Variants in OR2L13 observed in about 807,000 individuals in gnomAD.
OR2L13 encodes the protein olfactory receptor family 2 subfamily L member 13, also known as olfactory receptor 2L13.
In OR2L13, 14 loss-of-function variants were observed where a neutral mutation model predicts 15.3. The observed-to-expected ratio is 0.91, with a 90% confidence interval of 0.60 to 1.43. The LOEUF (loss-of-function observed/expected upper bound fraction) is 1.43. Ranked by LOEUF, OR2L13 falls within the 40% of genes most tolerant of loss-of-function variation. The pLI is 0.00. For missense variants in OR2L13, 367 were observed against 387.9 expected (o/e 0.95, Z 0.45); for synonymous variants, 152 against 142.9 (o/e 1.06, Z -0.45).
chr1:248,022,238 G>A, the OR2L13 span: 1 of 1,614,152 alleles, frequency 6.2e-7, no homozygotes, highest in Non-Finnish European at 8.5e-7. Flanking sequence ...TTGGGTGTGG[G>A]ATTCAGAGTT....
chr1:248,025,773 A>G, the OR2L13 span, among the ~76,000 whole-genome samples: 8 of 151,882 alleles, frequency 5.3e-5, no homozygotes, highest in Admixed American at 4.6e-4. Context: ...GCAGCCATAA[A>G]AAAGGATGAG....
At chr1:248,101,143 ATCT>A (rs1664848996), downstream of OR2L13, 1 of 152,104 alleles carries the variant, frequency 6.6e-6, no homozygotes, top group Admixed American at 6.6e-5. Flanking sequence ...AATTAATAAA[ATCT>A]TTATATAAAT....
exon 3 of OR2L13, chr1:248,099,776 G>A (rs373253789): frequency 1.6e-5 from 26 of 1,614,034 alleles, no homozygotes; most frequent in East Asian, 1.3e-4. Context: ...TATCCTATCC[G>A]CATGAGTAAA....
chr1:248,068,182 C>G, the OR2L13 span, among the ~76,000 whole-genome samples: 2 of 152,198 alleles, frequency 1.3e-5, no homozygotes, highest in South Asian at 2.1e-4. Context: ...TGAGAAAGGG[C>G]AGACTGCCTC....
At chr1:247,938,976 G>C in the OR2L13 span, 1 of 152,118 alleles carries the variant, frequency 6.6e-6, no homozygotes, top group Non-Finnish European at 1.5e-5. Flanking sequence ...TTAAACTTTT[G>C]TGGCAATTCA....
chr1:247,961,861 G>A, the OR2L13 span, among the ~76,000 whole-genome samples: 3 of 152,084 alleles, frequency 2.0e-5, no homozygotes, highest in Admixed American at 6.5e-5. Context: ...CAAAAAAAAA[G>A]CCTGATTCTC....
At chr1:247,965,963 A>G in the OR2L13 span, 1 of 1,609,230 alleles carries the variant, frequency 6.2e-7, no homozygotes, top group Non-Finnish European at 8.5e-7. Context: ...TCCCAGTATG[A>G]GTATACAGTC....
the OR2L13 span, among the ~76,000 whole-genome samples, chr1:247,997,330 TTAA>T: frequency 3.3e-5 from 5 of 152,118 alleles, no homozygotes; most frequent in African/African-American, 1.2e-4. Flanking sequence ...TTTCTAAATA[TTAA>T]TAAAGCAGAG....
the OR2L13 span, among the ~76,000 whole-genome samples, chr1:248,069,185 A>C: frequency 0.037 from 5,677 of 152,250 alleles, 369 homozygotes; most frequent in African/African-American, 0.13. Flanking sequence ...GATTCACTAA[A>C]GTTGAAATGA....
the OR2L13 span, among the ~76,000 whole-genome samples, chr1:248,016,127 T>G: frequency 6.6e-6 from 1 of 152,314 alleles, no homozygotes; most frequent in East Asian, 1.9e-4. Flanking sequence ...GCTATTTTAA[T>G]TAGCTCATAT....
the OR2L13 span, among the ~76,000 whole-genome samples, chr1:248,019,543 C>T: frequency 6.6e-6 from 1 of 152,026 alleles, no homozygotes; most frequent in East Asian, 1.9e-4. Context: ...ATTAATTTTT[C>T]TATATGGTGT....
the OR2L13 span, among the ~76,000 whole-genome samples, chr1:248,057,638 A>C: frequency 6.6e-6 from 1 of 152,108 alleles, no homozygotes; most frequent in East Asian, 1.9e-4. Flanking sequence ...TATAGGATGC[A>C]TTTCCATTTA....
At chr1:248,071,980 A>G in the OR2L13 span, among the ~76,000 whole-genome samples, 1 of 151,600 alleles carries the variant, frequency 6.6e-6, no homozygotes. Context: ...ATAAAAGAGG[A>G]TACAAAGAAA....
the OR2L13 span, among the ~76,000 whole-genome samples, chr1:248,086,979 C>A: frequency 6.6e-6 from 1 of 151,868 alleles, no homozygotes; most frequent in Non-Finnish European, 1.5e-5. Flanking sequence ...CAAAGCCATG[C>A]CCTTTCTGAA....
the OR2L13 span, among the ~76,000 whole-genome samples, chr1:247,957,153 A>AG: frequency 0.8 from 120,972 of 151,670 alleles, 52,432 homozygotes; most frequent in South Asian, 0.95. Flanking sequence ...TTTTAGCATG[A>AG]ACGTTGTTGA....
At chr1:248,052,777 T>C in the OR2L13 span, among the ~76,000 whole-genome samples, 10 of 152,150 alleles carry the variant, frequency 6.6e-5, no homozygotes, top group African/African-American at 2.4e-4. Flanking sequence ...ATTTTGTTCT[T>C]TTTCCAAAAA....
the OR2L13 span, among the ~76,000 whole-genome samples, chr1:247,993,076 A>T: frequency 6.6e-6 from 1 of 152,244 alleles, no homozygotes; most frequent in African/African-American, 2.4e-5. Context: ...AGTGACTGGT[A>T]TAAAATGGTC....
chr1:247,950,167 A>T, the OR2L13 span, among the ~76,000 whole-genome samples: 1 of 152,132 alleles, frequency 6.6e-6, no homozygotes, highest in Non-Finnish European at 1.5e-5. Context: ...TTATGTCTAA[A>T]ACAAAACCAA....
At chr1:248,083,892 G>A in the OR2L13 span, 2 of 1,610,572 alleles carry the variant, frequency 1.2e-6, no homozygotes, top group South Asian at 1.1e-5. Context: ...GGTGGCGAAG[G>A]CCTTCTTGCG....
Sources: allele counts gnomAD v4.1 joint callset (sites outside exome capture counted in the v4.1 genomes callset), GRCh38; gene constraint gnomAD v4.1.1; transcripts MANE v1.5; gene names NCBI Gene and HGNC (gene_info 2026-07-23, HGNC 2026-07-21).